Variants in NPAS3 observed in about 807,000 individuals in gnomAD.
NPAS3 encodes neuronal PAS domain-containing protein 3.
NPAS3 carries 14 observed loss-of-function variants against 73.1 expected under a neutral mutation model. The observed-to-expected ratio is 0.19, with a 90% confidence interval of 0.13 to 0.30. The LOEUF is 0.30. Ranked by LOEUF, NPAS3 falls within the 10% of genes least tolerant of loss-of-function variation. The pLI is 1.00. For missense variants in NPAS3, 1,096 were observed against 1,250.0 expected, an observed-to-expected ratio of 0.88 and a Z score of 1.86; for synonymous variants, 620 against 541.5, an observed-to-expected ratio of 1.14 and a Z score of -2.01.
chr14:32,978,522 GTT>G (rs35229678), intron 1 of NPAS3, among the ~76,000 whole-genome samples: 2 of 148,828 alleles, frequency 1.3e-5, no homozygotes, highest in African/African-American at 4.9e-5. Flanking sequence ...AATATTAGCA[GTT>G]TTTTTTTTGT....
chr14:33,331,225 A>G lies in NPAS3; in HGVS notation c.386-35961A>G, dbSNP rs528016917. Among the ~76,000 whole-genome samples the G allele has an allele frequency of 2.6e-5, 4 of 152,326 alleles. No homozygotes were observed. The South Asian group carries it at 8.3e-4, about 32-fold the overall frequency. On this transcript the variant is annotated intron_variant, in intron 3 of 11. Transcript: ENST00000356141. ...TTGTTCGTAATTTATGCATGTGAATATAATACATGTGCAAGAAAACTTCAA... is the reference window on the plus strand; with the variant it reads ...TTGTTCGTAATTTATGCATGTGAATGTAATACATGTGCAAGAAAACTTCAA...
chr14:33,566,517 C>G (rs1203830600), intron 5 of NPAS3, among the ~76,000 whole-genome samples: 2 of 152,018 alleles, frequency 1.3e-5, no homozygotes, highest in African/African-American at 4.8e-5. Context: ...ATGAACGAGC[C>G]AGGCAGAAGA....
At chr14:33,163,951 CTGAT>C (rs2045021059) in intron 2 of NPAS3, among the ~76,000 whole-genome samples, 1 of 152,158 alleles carries the variant, frequency 6.6e-6, no homozygotes, top group Non-Finnish European at 1.5e-5. Context: ...TTAAATTTCT[CTGAT>C]TGAATTGACT....
chr14:33,560,021 A>AC (rs1446570644), intron 4 of NPAS3, 100 bp from the exon 5 acceptor site: 1 of 588,364 alleles, frequency 1.7e-6, no homozygotes, highest in East Asian at 3.0e-5. Flanking sequence ...AAAAAAAAAA[A>AC]AAAAATTCAA....
At chr14:33,261,183 C>T (rs2048963327) in intron 3 of NPAS3, among the ~76,000 whole-genome samples, 1 of 152,044 alleles carries the variant, frequency 6.6e-6, no homozygotes, top group East Asian at 1.9e-4. Context: ...TCTCTGTAGA[C>T]AGCATTCTTT....
At position 33,353,189 on chromosome 14, in the gene NPAS3, C is replaced by G. The variant is rs145359429; in HGVS notation, c.386-13997C>G. 2.1e-3 allele frequency among the ~76,000 whole-genome samples: 315 copies of G among 150,746 alleles called. 2 individuals carry two copies. Among genetic ancestry groups the G allele is most frequent in the African/African-American group, 7.2e-3 (297 of 41,112 alleles). On this transcript the variant is annotated intron_variant, in intron 3 of 11. Coordinates refer to ENST00000356141, the Ensembl canonical transcript of NPAS3. ...AAAAAAAAATATTGGGAAACAAGGT[C>G]TTTTTGTCTGCCACATATAGCAGTC...
intron 1 of NPAS3, among the ~76,000 whole-genome samples, chr14:33,021,106 C>T (rs1595247239): frequency 6.6e-6 from 1 of 152,298 alleles, no homozygotes; most frequent in East Asian, 1.9e-4. Flanking sequence ...TTTGTACCCA[C>T]TGCCTCCAAT....
At chr14:33,183,571 G>A (rs991900911) in intron 2 of NPAS3, among the ~76,000 whole-genome samples, 6 of 151,382 alleles carry the variant, frequency 4.0e-5, no homozygotes, top group Middle Eastern at 3.4e-3. Context: ...TCTCCATCAC[G>A]CCTGTGTCTG....
At chr14:33,436,063 A>G (rs1306117985) in intron 4 of NPAS3, among the ~76,000 whole-genome samples, 1 of 152,174 alleles carries the variant, frequency 6.6e-6, no homozygotes, top group East Asian at 1.9e-4. Flanking sequence ...TAAGAACCAA[A>G]TATCCTTTGA....
At chr14:33,189,116 A>G (rs2046079546) in intron 2 of NPAS3, among the ~76,000 whole-genome samples, 1 of 152,210 alleles carries the variant, frequency 6.6e-6, no homozygotes, top group East Asian at 1.9e-4. Flanking sequence ...AGGCTGAAGA[A>G]TGAATCTTTT....
chr14:33,289,429 A>G (rs909499655), intron 3 of NPAS3, among the ~76,000 whole-genome samples: 3 of 152,186 alleles, frequency 2.0e-5, no homozygotes, highest in Admixed American at 6.5e-5. Flanking sequence ...AAAACCTGAA[A>G]GATGGCTTTA....
At chr14:33,456,073 A>G (rs1177602520) in intron 4 of NPAS3, among the ~76,000 whole-genome samples, 1 of 152,238 alleles carries the variant, frequency 6.6e-6, no homozygotes, top group Non-Finnish European at 1.5e-5. Context: ...TCAATCAAAC[A>G]TATCTCATTC....
intron 1 of NPAS3, among the ~76,000 whole-genome samples, chr14:33,040,291 T>G (rs1457602043): frequency 1.3e-5 from 2 of 152,174 alleles, no homozygotes; most frequent in Admixed American, 1.3e-4. Context: ...TTAAGTATAC[T>G]AAGAAAACAA....
chr14:33,426,130 G>A (rs143750720), intron 4 of NPAS3, among the ~76,000 whole-genome samples: 153 of 152,202 alleles, frequency 1.0e-3, no homozygotes, highest in Middle Eastern at 6.8e-3. Context: ...TAATCAGCCA[G>A]TAAAGGGACA....
At chr14:33,291,196 A>G (rs1337111556) in intron 3 of NPAS3, among the ~76,000 whole-genome samples, 5 of 152,192 alleles carry the variant, frequency 3.3e-5, no homozygotes, top group African/African-American at 7.2e-5. Context: ...TTCCAGTTCT[A>G]GAGCTTAAAA....
intron 4 of NPAS3, among the ~76,000 whole-genome samples, chr14:33,429,132 C>CT (rs2048677816): frequency 6.6e-6 from 1 of 152,016 alleles, no homozygotes; most frequent in Non-Finnish European, 1.5e-5. Flanking sequence ...GAAATGACAC[C>CT]TTTGTATTCA....
At chr14:33,162,550 G>T (rs140372559) in intron 2 of NPAS3, among the ~76,000 whole-genome samples, 63 of 152,182 alleles carry the variant, frequency 4.1e-4, no homozygotes, top group South Asian at 2.9e-3. Flanking sequence ...AATGTGCCTG[G>T]ATGCAGTTGC....
chr14:33,103,169 G>C (rs892753692), intron 2 of NPAS3, among the ~76,000 whole-genome samples: 1 of 152,150 alleles, frequency 6.6e-6, no homozygotes, highest in African/African-American at 2.4e-5. Flanking sequence ...TGCATGCCCT[G>C]ATTCAGTGGT....
chr14:32,954,565 ATTCT>A (rs1342931604), intron 1 of NPAS3, among the ~76,000 whole-genome samples: 1 of 151,962 alleles, frequency 6.6e-6, no homozygotes, highest in Non-Finnish European at 1.5e-5. Context: ...TTTCTAGTTC[ATTCT>A]TTCTTCTGGG....
Sources: gnomAD v4.1 joint callset for allele counts (sites outside exome capture counted in the v4.1 genomes callset) on GRCh38, gnomAD v4.1.1 for gene constraint, MANE v1.5 for transcripts, NCBI Gene and HGNC (gene_info 2026-07-23, HGNC 2026-07-21) for gene names.